Variants in EIF2A observed in about 807,000 individuals in gnomAD.
EIF2A encodes the protein 65 kDa eukaryotic translation initiation factor 2A.
A neutral mutation model predicts 75.2 loss-of-function variants in EIF2A; 62 were observed. The ratio of observed to expected loss-of-function variants is 0.82; its 90% CI spans 0.67 to 1.02. The LOEUF (loss-of-function observed/expected upper bound fraction) is 1.02, where lower values mean the gene tolerates loss of function less well. Ranked by LOEUF, EIF2A falls within the 50% of genes least tolerant of loss-of-function variation. EIF2A has a pLI of 0.00. For missense variants in EIF2A, 611 were observed against 677.7 expected (o/e 0.90, Z 1.09); for synonymous variants, 207 against 239.0 (o/e 0.87, Z 1.23).
intron 2 of EIF2A, among the ~76,000 whole-genome samples, chr3:150,556,188 T>C (rs1008920765): frequency 2.6e-5 from 4 of 152,078 alleles, no homozygotes; most frequent in African/African-American, 9.7e-5. Context: ...AAGAGTTAGG[T>C]AGATACAAGG....
At chr3:150,565,112 GT>G (rs1426901025) in intron 6 of EIF2A, 3 of 441,566 alleles carry the variant, frequency 6.8e-6, no homozygotes, top group Non-Finnish European at 1.4e-5. Context: ...TGTCTTTCAC[GT>G]TTTCCCATAG....
In EIF2A at chr3:150,572,012, G is replaced by C; in HGVS notation, c.866G>C (p.Cys289Ser). The C allele has an allele frequency of 6.2e-7, 1 of 1,613,836 alleles. No individual in the cohort carries two copies. The highest frequency in any genetic ancestry group is 8.5e-7 in the Non-Finnish European group (1 of 1,179,852). The change falls in exon 10 of 14, where the codon TGT becomes TCT. Residue 289 changes from cysteine (C) to serine (S), a missense_variant. Cys to Ser is a moderately radical substitution (Grantham distance 112, BLOSUM62 -1). Transcript: ENST00000460851. ...TGGAATTCTAGTTCTACTGAGTTTT[G>C]TGCTGTATATGGTTTTATGCCTGCC... is the stretch of plus-strand genomic sequence containing the variant. The part of the protein sequence containing the change: ...VVWNSSSTEF[C>S]AVYGFMPAKA...
chr3:150,562,194 G>A (rs559968700), intron 3 of EIF2A, among the ~76,000 whole-genome samples: 4 of 152,080 alleles, frequency 2.6e-5, no homozygotes, highest in Non-Finnish European at 4.4e-5. Flanking sequence ...AGGCCAAGGC[G>A]GGCGGATCAC....
chr3:150,547,654 T>A (rs753655647), intron 1 of EIF2A, among the ~76,000 whole-genome samples: 4 of 152,214 alleles, frequency 2.6e-5, no homozygotes, highest in African/African-American at 4.8e-5. Context: ...AAAGGTTGTC[T>A]GCATTTAAGG....
chr3:150,547,612 A>G (rs551314232), intron 1 of EIF2A, among the ~76,000 whole-genome samples: 24 of 152,306 alleles, frequency 1.6e-4, no homozygotes, highest in Admixed American at 1.4e-3. Context: ...TTAAGTTCTG[A>G]TAACTATATA....
At chr3:150,580,365 C>A (rs1725111105) in intron 11 of EIF2A, among the ~76,000 whole-genome samples, 1 of 152,068 alleles carries the variant, frequency 6.6e-6, no homozygotes, top group Non-Finnish European at 1.5e-5. Flanking sequence ...TTAACAGTAA[C>A]TCATAAGAAA....
rs563927776 is a variant in EIF2A, at chr3:150,584,688, G to A, written c.*777G>A. Among the ~76,000 whole-genome samples, 1 of 152,262 alleles carries A rather than the reference G, an allele frequency of 6.6e-6. No individual in the cohort carries two copies. Among genetic ancestry groups the A allele is most frequent in the Non-Finnish European group, 1.5e-5 (1 of 68,004 alleles). On this transcript the variant is annotated 3_prime_UTR_variant, in exon 14 of 14. Coordinates refer to ENST00000460851, the MANE Select transcript of EIF2A (RefSeq NM_032025.5). The stretch of plus-strand genomic sequence containing the variant: ...CTGTTATATACATGTATTTTTATCA[G>A]AGATGGGTTATGTACTTTTCCACGT...
Position 150,568,206 on chromosome 3 carries a change from A to T in EIF2A, c.725A>T (p.Asp242Val). 6.2e-7 allele frequency: 1 copy of T among 1,613,524 alleles called. No individual in the cohort carries two copies. Among genetic ancestry groups the T allele is most frequent in the Non-Finnish European group, 8.5e-7 (1 of 1,179,716 alleles). The change falls in exon 9 of 14, where the codon GAT (aspartate) becomes GTT (valine). Residue 242 changes from aspartate to valine, a missense_variant. Physicochemically the swap from Asp to Val is radical, Grantham distance 152 (BLOSUM62 -3). Coordinates refer to ENST00000460851, the MANE Select transcript of EIF2A (RefSeq NM_032025.5). ...ATAVLVIAST[D>V]VDKTGASYYG... ...GCTGTGTTGGTAATAGCTAGCACAG[A>T]TGTTGACAAGACAGGAGCTTCCTAC... is the stretch of plus-strand genomic sequence containing the variant.
At chr3:150,571,862 T>G in intron 9 of EIF2A, 96 bp from the exon 10 acceptor site, 1 of 1,096,206 alleles carries the variant, frequency 9.1e-7, no homozygotes, top group Non-Finnish European at 1.3e-6. Context: ...TTTTATCTGT[T>G]TGATGTGTTT....
At position 150,551,567 on chromosome 3, in the gene EIF2A, C is replaced by CAA. The variant is rs11430778; in HGVS notation, c.29-778_29-777dup. On this transcript the variant is annotated intron_variant, in intron 1 of 13. Coordinates refer to ENST00000460851, the MANE Select transcript of EIF2A (RefSeq NM_032025.5). Reference sequence around the variant, plus strand: ...GGGCAACAGTGAGACTCTGTCTCTACAAAAAAAAAAAATAGCCAAGCAGGG... The same window carrying CAA: ...GGGCAACAGTGAGACTCTGTCTCTACAAAAAAAAAAAAAATAGCCAAGCAGGG... Among the ~76,000 whole-genome samples the CAA allele has an allele frequency of 8.6e-3, 1,223 of 142,200 alleles. 8 individuals carry two copies. The highest frequency in any genetic ancestry group is 0.018 in the Admixed American group (263 of 14,228). The allele number at this position is 142,200 out of a possible 152,430, so 93.3% of individuals were successfully genotyped here.
chr3:150,563,849 G>A lies in EIF2A; in HGVS notation c.392+235G>A, dbSNP rs765039922. ...TTTTGTTTGTTTGAGAGGGAGTCTC[G>A]CTCTGTCACCCAGGCTGGAGTGCAA... On this transcript the variant is annotated intron_variant, in intron 5 of 13. Transcript: ENST00000460851. Among the ~76,000 whole-genome samples the A allele has an allele frequency of 2.2e-4, 34 of 152,040 alleles. 1 individual carries two copies. Among genetic ancestry groups the A allele is most frequent in the Admixed American group, 2.6e-4 (4 of 15,244 alleles).
chr3:150,570,349 G>A (rs1024304294), intron 9 of EIF2A, among the ~76,000 whole-genome samples: 3 of 151,984 alleles, frequency 2.0e-5, no homozygotes, highest in Non-Finnish European at 4.4e-5. Flanking sequence ...AATATATCAA[G>A]TAAGCCAAGT....
intron 1 of EIF2A, among the ~76,000 whole-genome samples, chr3:150,550,871 T>A (rs1723281003): frequency 6.6e-6 from 1 of 152,154 alleles, no homozygotes; most frequent in Non-Finnish European, 1.5e-5. Context: ...TTGCCCAGGC[T>A]GGTCTTGAAT....
chr3:150,561,737 C>A (rs904574290), intron 3 of EIF2A, among the ~76,000 whole-genome samples: 2 of 151,810 alleles, frequency 1.3e-5, no homozygotes, highest in African/African-American at 4.8e-5. Context: ...CATGTGTCTT[C>A]TATTTTATAT....
chr3:150,572,748 C>G (rs747841107), intron 10 of EIF2A, among the ~76,000 whole-genome samples: 13 of 150,328 alleles, frequency 8.6e-5, no homozygotes, highest in Non-Finnish European at 1.3e-4. Flanking sequence ...CCCGGCTACT[C>G]GGGAAGCTGA....
In EIF2A at chr3:150,571,822, G is replaced by T. The variant is rs1031660728; in HGVS notation, c.812-136G>T. 14 of 703,870 alleles carry T rather than the reference G, an allele frequency of 2.0e-5. No individual in the cohort carries two copies. In the African/African-American group the frequency reaches 2.5e-4, roughly 13 times the overall value. The allele number at this position is 703,870 out of a possible 1,614,324, so 43.6% of individuals were successfully genotyped here. Reference sequence around the variant, plus strand: ...AATCCCCCTAGTATATAATGTAAGAGTATTTTAATGTTAACATTCCTTGAA... The same window carrying T: ...AATCCCCCTAGTATATAATGTAAGATTATTTTAATGTTAACATTCCTTGAA... On this transcript the variant is annotated intron_variant, in intron 9 of 13. Coordinates refer to ENST00000460851, the MANE Select transcript of EIF2A (RefSeq NM_032025.5).
chr3:150,583,100 A>G, intron 12 of EIF2A, 100 bp from the exon 13 acceptor site: 1 of 984,092 alleles, frequency 1.0e-6, no homozygotes, highest in Non-Finnish European at 1.5e-6. Flanking sequence ...CAAATCTAAG[A>G]TAATTAATCT....
chr3:150,581,804 T>C, intron 12 of EIF2A, 58 bp downstream of exon 12: 1 of 1,540,952 alleles, frequency 6.5e-7, no homozygotes, highest in East Asian at 2.5e-5. Context: ...ATTATATAAG[T>C]AAGAGAGTAC....
chr3:150,547,195 A>G (rs566526292), intron 1 of EIF2A: 1 of 279,266 alleles, frequency 3.6e-6, no homozygotes, highest in East Asian at 7.8e-5. Flanking sequence ...AAGAACAAAG[A>G]CAAACATGAG....
Sources: allele counts gnomAD v4.1 joint callset (sites outside exome capture counted in the v4.1 genomes callset), GRCh38; gene constraint gnomAD v4.1.1; transcripts MANE v1.5; gene names NCBI Gene and HGNC (gene_info 2026-07-23, HGNC 2026-07-21).